CA8: variants seen among roughly 807,000 people sequenced by gnomAD.
CA8 encodes carbonic anhydrase-related protein.
A neutral mutation model predicts 41.4 loss-of-function variants in CA8; 22 were observed. The observed-to-expected ratio is 0.53, with a 90% confidence interval of 0.38 to 0.76. The LOEUF is 0.76. Ranked by LOEUF, CA8 falls within the 30% of genes least tolerant of loss-of-function variation. CA8 has a pLI of 0.00. For missense variants in CA8, 270 were observed against 352.8 expected, an observed-to-expected ratio of 0.77 and a Z score of 1.88; for synonymous variants, 121 against 130.6, an observed-to-expected ratio of 0.93 and a Z score of 0.50.
chr8:60,230,339 T>G (rs1206514790), intron 4 of CA8, among the ~76,000 whole-genome samples: 1 of 152,198 alleles, frequency 6.6e-6, no homozygotes, highest in African/African-American at 2.4e-5. Flanking sequence ...TTTCCAGTAT[T>G]TTTAATCTCT....
At position 60,190,957 on chromosome 8, in the gene CA8, T is replaced by TATATATATATATATATATATATAC. The variant is rs1554573722; in HGVS notation, c.*36-973_*36-972insGTATATATATATATATATATATAT. 2.9e-3 allele frequency among the ~76,000 whole-genome samples: 303 copies of TATATATATATATATATATATATAC among 104,016 alleles called. 4 individuals are homozygous for TATATATATATATATATATATATAC. Among genetic ancestry groups the TATATATATATATATATATATATAC allele is most frequent in the African/African-American group, 8.6e-3 (249 of 28,938 alleles). 68.2% of individuals were successfully genotyped at this position (104,016 alleles called of 152,430 possible). On this transcript the variant is annotated intron_variant, in intron 8 of 8. Coordinates refer to ENST00000317995, the MANE Select transcript of CA8 (RefSeq NM_004056.6). ...CACACACTATATATATATATATATA[T>TATATATATATATATATATATATAC]ACACACACACATTTCTACATATGCA...
chr8:60,225,079 C>T (rs997802440), intron 5 of CA8, among the ~76,000 whole-genome samples: 7 of 151,988 alleles, frequency 4.6e-5, no homozygotes, highest in Non-Finnish European at 8.8e-5. Context: ...ATGCTAGATG[C>T]TCTCCTCATC....
intron 7 of CA8, among the ~76,000 whole-genome samples, chr8:60,217,066 T>C (rs1449420304): frequency 2.0e-5 from 3 of 152,072 alleles, no homozygotes; most frequent in Non-Finnish European, 2.9e-5. Context: ...GTATCTTTAG[T>C]AGAGACAGGG....
intron 7 of CA8, among the ~76,000 whole-genome samples, chr8:60,217,154 G>A (rs757348966): frequency 6.6e-6 from 1 of 152,054 alleles, no homozygotes; most frequent in Admixed American, 6.6e-5. Flanking sequence ...GAAGTGCTTG[G>A]ATTACAGGCG....
chr8:60,250,656 A>G (rs1253348480), intron 3 of CA8, among the ~76,000 whole-genome samples: 1 of 152,228 alleles, frequency 6.6e-6, no homozygotes, highest in Admixed American at 6.5e-5. Flanking sequence ...ACTTCATTAG[A>G]AGGAAAAGTT....
rs1585851412 is a variant in CA8, at chr8:60,207,301, T to C, written c.*35+1449A>G. Reference sequence around the variant, plus strand: ...AAGATTTTATGCACACTTAATTAAGTAACCCCATTAGATCCATCAGAACAT... The same window carrying C: ...AAGATTTTATGCACACTTAATTAAGCAACCCCATTAGATCCATCAGAACAT... On this transcript the variant is annotated intron_variant, in intron 8 of 8. Coordinates refer to ENST00000317995, the MANE Select transcript of CA8 (RefSeq NM_004056.6). 2.0e-5 allele frequency among the ~76,000 whole-genome samples: 3 copies of C among 152,346 alleles called. No homozygotes were observed. The East Asian group carries it at 5.8e-4, about 29-fold the overall frequency.
chr8:60,256,713 T>C (rs540195835), intron 3 of CA8, among the ~76,000 whole-genome samples: 38 of 152,340 alleles, frequency 2.5e-4, no homozygotes, highest in Admixed American at 1.8e-3. Context: ...CCAATTATCT[T>C]TCTCAAGGCA....
chr8:60,235,758 C>T (rs1218273644), intron 3 of CA8, among the ~76,000 whole-genome samples: 2 of 152,172 alleles, frequency 1.3e-5, no homozygotes, highest in African/African-American at 4.8e-5. Context: ...AGCTAGACAG[C>T]TAGAGGGGTC....
At chr8:60,260,960 A>G (rs1803714153) in intron 3 of CA8, among the ~76,000 whole-genome samples, 1 of 152,178 alleles carries the variant, frequency 6.6e-6, no homozygotes, top group African/African-American at 2.4e-5. Context: ...AGTAAAATAC[A>G]TGAATAAAAA....
chr8:60,193,984 T>C (rs751181176), intron 8 of CA8, among the ~76,000 whole-genome samples: 1 of 152,190 alleles, frequency 6.6e-6, no homozygotes, highest in Non-Finnish European at 1.5e-5. Flanking sequence ...TCTTTTTGCC[T>C]TTTGCTGTAA....
intron 7 of CA8, among the ~76,000 whole-genome samples, chr8:60,217,564 C>T (rs1208384041): frequency 1.3e-5 from 2 of 152,220 alleles, no homozygotes; most frequent in East Asian, 3.9e-4. Context: ...TCCTCTTCTA[C>T]ACTAACAGCT....
intron 7 of CA8, among the ~76,000 whole-genome samples, chr8:60,212,803 AC>A (rs1322465449): frequency 2.0e-5 from 3 of 152,212 alleles, no homozygotes; most frequent in East Asian, 1.9e-4. Flanking sequence ...AAGCGTTCTG[AC>A]CCAGTAAAAT....
chr8:60,232,435 A>C, intron 3 of CA8, 56 bp from the exon 4 acceptor site: 1 of 1,179,602 alleles, frequency 8.5e-7, no homozygotes, highest in Non-Finnish European at 1.3e-6. Context: ...TCTAATCATA[A>C]AAGCAAAGAT....
chr8:60,270,358 C>A (rs527647958), intron 2 of CA8, among the ~76,000 whole-genome samples: 1 of 152,130 alleles, frequency 6.6e-6, no homozygotes, highest in Non-Finnish European at 1.5e-5. Flanking sequence ...CCTGGTACAC[C>A]ACCCGAAGGA....
chr8:60,204,986 G>A (rs1339422015), intron 8 of CA8, among the ~76,000 whole-genome samples: 1 of 152,078 alleles, frequency 6.6e-6, no homozygotes, highest in Non-Finnish European at 1.5e-5. Flanking sequence ...ATTGATACTT[G>A]TTATAGCTTT....
intron 3 of CA8, 111 bp from the exon 4 acceptor site, chr8:60,232,490 G>A (rs1807688684): frequency 3.7e-6 from 3 of 800,160 alleles, no homozygotes; most frequent in Non-Finnish European, 6.7e-6. Flanking sequence ...CATACCACAA[G>A]AGGATCACAA....
chr8:60,222,795 C>T (rs573848921), intron 6 of CA8, 34 bp from the exon 7 acceptor site: 1 of 1,296,044 alleles, frequency 7.7e-7, no homozygotes, highest in East Asian at 2.3e-5. Flanking sequence ...ATGGAAAAGG[C>T]AAGTGAATTA....
chr8:60,246,946 C>T (rs965591417), intron 3 of CA8, among the ~76,000 whole-genome samples: 2 of 133,110 alleles, frequency 1.5e-5, no homozygotes, highest in Non-Finnish European at 3.0e-5. Flanking sequence ...TTCAGTGGCG[C>T]GATCTCGGCT....
At chr8:60,208,957 A>T in intron 7 of CA8, 38 bp from the exon 8 acceptor site, 1 of 1,603,740 alleles carries the variant, frequency 6.2e-7, no homozygotes, top group Non-Finnish European at 8.5e-7. Flanking sequence ...TTAATCAATT[A>T]TCGGACATTA....
Sources: allele counts gnomAD v4.1 joint callset (sites outside exome capture counted in the v4.1 genomes callset), GRCh38; gene constraint gnomAD v4.1.1; transcripts MANE v1.5; gene names NCBI Gene and HGNC (gene_info 2026-07-23, HGNC 2026-07-21).